RANBP2: variants seen among roughly 807,000 people sequenced by gnomAD.
RANBP2 encodes the protein E3 SUMO-protein ligase RanBP2.
A neutral mutation model predicts 303.6 loss-of-function variants in RANBP2; 57 were observed. The observed-to-expected ratio is 0.19, with a 90% CI of 0.15 to 0.23. The LOEUF is 0.23. Ranked by LOEUF, RANBP2 falls within the 10% of genes least tolerant of loss-of-function variation. RANBP2 has a pLI of 1.00. For missense variants in RANBP2, 3,138 were observed against 3,780.8 expected (o/e 0.83, Z 4.46); for synonymous variants, 1,167 against 1,301.5 (o/e 0.90, Z 2.23).
At chr2:109,240,802 T>TC in the RANBP2 span, among the ~76,000 whole-genome samples, 3 of 151,916 alleles carry the variant, frequency 2.0e-5, no homozygotes, top group Non-Finnish European at 2.9e-5. Flanking sequence ...GGGTTTCTCT[T>TC]CTCTTCTAAG....
the RANBP2 span, chr2:109,585,724 C>T: frequency 6.2e-7 from 1 of 1,609,626 alleles, no homozygotes. Context: ...CACGTACCCA[C>T]ACAGAGAATA....
chr2:109,029,525 G>A, the RANBP2 span, among the ~76,000 whole-genome samples: 3 of 152,236 alleles, frequency 2.0e-5, no homozygotes, highest in Non-Finnish European at 2.9e-5. Flanking sequence ...CGTTTCCAAG[G>A]GAAAACCTGG....
At chr2:109,342,563 C>T in the RANBP2 span, among the ~76,000 whole-genome samples, 6 of 152,192 alleles carry the variant, frequency 3.9e-5, no homozygotes, top group East Asian at 1.9e-4. Context: ...CGGTGCTCCA[C>T]GCTCTCCACC....
chr2:109,291,901 G>A, the RANBP2 span, among the ~76,000 whole-genome samples: 8 of 152,188 alleles, frequency 5.3e-5, no homozygotes, highest in Non-Finnish European at 1.0e-4. Context: ...GTCTCGCTCT[G>A]TTGCCAGGCT....
chr2:109,196,257 C>T, the RANBP2 span, among the ~76,000 whole-genome samples: 10 of 152,200 alleles, frequency 6.6e-5, no homozygotes, highest in African/African-American at 9.6e-5. Context: ...CTCCTGCATC[C>T]GCTGCTCTCC....
At chr2:108,923,246 T>G in the RANBP2 span, 123 of 949,396 alleles carry the variant, frequency 1.3e-4, 2 homozygotes, top group African/African-American at 1.7e-3. Flanking sequence ...GCACTTTCAC[T>G]AGTGCTGTTA....
chr2:109,707,231 C>T, the RANBP2 span, among the ~76,000 whole-genome samples: 1 of 152,174 alleles, frequency 6.6e-6, no homozygotes, highest in Non-Finnish European at 1.5e-5. Context: ...TTTTGCAGTG[C>T]TTTCTTAAGG....
At chr2:109,332,633 T>G in the RANBP2 span, among the ~76,000 whole-genome samples, 1 of 152,168 alleles carries the variant, frequency 6.6e-6, no homozygotes, top group South Asian at 2.1e-4. Flanking sequence ...GGCTGCCCCG[T>G]GGGTGGAACA....
chr2:108,883,785 CT>C, the RANBP2 span: 1 of 152,268 alleles, frequency 6.6e-6, no homozygotes, highest in African/African-American at 2.4e-5. Flanking sequence ...GGGTCTGCCC[CT>C]CTTGGTTTCC....
chr2:108,783,811 C>T lies in RANBP2; in HGVS notation c.9585C>T (p.Gly3195=), dbSNP rs10185197. 14,792 of 1,612,026 alleles carry T rather than the reference C, an allele frequency of 9.2e-3. 994 individuals carry two copies. In the African/African-American group the frequency reaches 0.16, roughly 17 times the overall value. ...TAGTATTTGGGTTTGTTAAGGATGG[C>T]ATGGATACTGTGAAAAAGATTGAAT... The part of the protein sequence containing the change: ...KHVVFGFVKD[G]MDTVKKIESF... The change falls in exon 29 of 29, where the codon GGC becomes GGT. Residue 3195 remains glycine, a synonymous_variant. Coordinates refer to ENST00000283195, the MANE Select transcript of RANBP2 (RefSeq NM_006267.5).
chr2:109,367,350 C>T, the RANBP2 span, among the ~76,000 whole-genome samples: 1 of 152,046 alleles, frequency 6.6e-6, no homozygotes, highest in Non-Finnish European at 1.5e-5. Context: ...GGTACAATCT[C>T]AGCTTACTGC....
the RANBP2 span, among the ~76,000 whole-genome samples, chr2:109,460,735 G>A: frequency 2.6e-5 from 4 of 152,298 alleles, no homozygotes; most frequent in South Asian, 4.1e-4. Flanking sequence ...TTCCAATTAT[G>A]TTTCTTGCAA....
At chr2:108,827,907 C>G in the RANBP2 span, among the ~76,000 whole-genome samples, 2 of 151,818 alleles carry the variant, frequency 1.3e-5, no homozygotes, top group East Asian at 1.9e-4. Flanking sequence ...AGATTCCATT[C>G]CCATTCCCAT....
chr2:108,944,892 C>T, the RANBP2 span, among the ~76,000 whole-genome samples: 34 of 152,288 alleles, frequency 2.2e-4, 1 homozygote, highest in South Asian at 2.5e-3. Flanking sequence ...GAGGAACTGA[C>T]GCCGGGGAGG....
chr2:109,144,977 C>G, the RANBP2 span, among the ~76,000 whole-genome samples: 1,655 of 152,342 alleles, frequency 0.011, 32 homozygotes, highest in African/African-American at 0.038. Context: ...CGGGCTCACA[C>G]CCGGCTCCTG....
chr2:109,418,500 C>T, the RANBP2 span, among the ~76,000 whole-genome samples: 1 of 152,108 alleles, frequency 6.6e-6, no homozygotes, highest in Non-Finnish European at 1.5e-5. Context: ...CACCCCTCGG[C>T]TTGTGGATGC....
the RANBP2 span, among the ~76,000 whole-genome samples, chr2:109,687,631 G>C: frequency 6.6e-6 from 1 of 152,068 alleles, no homozygotes; most frequent in Non-Finnish European, 1.5e-5. Context: ...ACCTGCCCCT[G>C]TGAGGAGAAA....
chr2:109,505,532 G>A, the RANBP2 span, among the ~76,000 whole-genome samples: 4 of 152,144 alleles, frequency 2.6e-5, no homozygotes. Flanking sequence ...TTTTAAAAAA[G>A]TGAACTCGTA....
the RANBP2 span, among the ~76,000 whole-genome samples, chr2:109,552,127 T>C: frequency 6.6e-6 from 1 of 152,176 alleles, no homozygotes; most frequent in South Asian, 2.1e-4. Context: ...GGGATCTTGG[T>C]TGTGCGCTCC....
Sources: gnomAD v4.1 joint callset for allele counts (sites outside exome capture counted in the v4.1 genomes callset) on GRCh38, gnomAD v4.1.1 for gene constraint, MANE v1.5 for transcripts, NCBI Gene and HGNC (gene_info 2026-07-23, HGNC 2026-07-21) for gene names.